The following FBXO40 variants were observed in gnomAD, a reference collection of about 807,000 sequenced individuals.
FBXO40 encodes the protein F-box only protein 40.
FBXO40 carries 50 observed loss-of-function variants against 49.9 expected under a neutral mutation model. That is an observed-to-expected ratio of 1.00 (90% confidence interval 0.80 to 1.27). The LOEUF (loss-of-function observed/expected upper bound fraction) is 1.27. Ranked by LOEUF, FBXO40 falls within the 50% of genes most tolerant of loss-of-function variation. FBXO40 has a pLI of 0.00. For missense variants in FBXO40, 895 were observed against 870.1 expected (o/e 1.03, Z -0.36); for synonymous variants, 340 against 320.2 (o/e 1.06, Z -0.66).
In FBXO40 at chr3:121,621,434, G is replaced by A. The variant is rs1301988082; in HGVS notation, c.5G>A (p.Gly2Glu). 8 of 1,611,232 alleles carry A rather than the reference G, an allele frequency of 5.0e-6. No individual in the cohort carries two copies. In the East Asian group the frequency reaches 1.1e-4, roughly 22 times the overall value. M[G>E]KARRSPPGHH... Reference sequence around the variant, plus strand: ...TCCCCCTGTCCTTGGTGTGTCCAGGGGAAAGCCCGCAGATCCCCGCCAGGG... The same window carrying A: ...TCCCCCTGTCCTTGGTGTGTCCAGGAGAAAGCCCGCAGATCCCCGCCAGGG... The change falls in exon 3 of 4, where the codon GGG becomes GAG. Residue 2 changes from glycine (G) to glutamate (E), a missense_variant and splice_region_variant. By Grantham distance (98) the Gly-to-Glu change is moderately conservative. Coordinates refer to ENST00000338040, the MANE Select transcript of FBXO40 (RefSeq NM_016298.4).
chr3:121,625,664 GT>G (rs2049058261), intron 3 of FBXO40, among the ~76,000 whole-genome samples: 1 of 152,162 alleles, frequency 6.6e-6, no homozygotes, highest in South Asian at 2.1e-4. Context: ...TTTGGCTCAA[GT>G]TTTTCCCCAA....
intron 1 of FBXO40, among the ~76,000 whole-genome samples, chr3:121,594,838 T>C (rs1363523911): frequency 6.6e-6 from 1 of 152,172 alleles, no homozygotes; most frequent in African/African-American, 2.4e-5. Context: ...CTTGAACAAT[T>C]TTGCATATTC....
intron 1 of FBXO40, among the ~76,000 whole-genome samples, chr3:121,598,970 C>T (rs2048886732): frequency 6.6e-6 from 1 of 152,202 alleles, no homozygotes; most frequent in African/African-American, 2.4e-5. Context: ...GCCTATGTTT[C>T]ATTTAAACTA....
chr3:121,619,709 C>T (rs2049018837), intron 1 of FBXO40, among the ~76,000 whole-genome samples: 1 of 152,178 alleles, frequency 6.6e-6, no homozygotes, highest in African/African-American at 2.4e-5. Context: ...TTATTATCCT[C>T]TCTCTACTGA....
At chr3:121,614,269 CAAAAAAAAA>C (rs35824526) in intron 1 of FBXO40, among the ~76,000 whole-genome samples, 1 of 77,644 alleles carries the variant, frequency 1.3e-5, no homozygotes, top group African/African-American at 5.5e-5. Flanking sequence ...GACTCTAGCT[CAAAAAAAAA>C]AAAAAAAAAA....
At chr3:121,602,942 A>G (rs1294685002) in intron 1 of FBXO40, among the ~76,000 whole-genome samples, 1 of 152,170 alleles carries the variant, frequency 6.6e-6, no homozygotes, top group Non-Finnish European at 1.5e-5. Flanking sequence ...TCAGGCTTCT[A>G]TAACAAAAGA....
Position 121,622,160 on chromosome 3 carries a change from A to T in FBXO40, c.731A>T (p.Asn244Ile). 1 of 1,614,166 alleles carries T rather than the reference A, an allele frequency of 6.2e-7. No individual in the cohort carries two copies. Among genetic ancestry groups the T allele is most frequent in the South Asian group, 1.1e-5 (1 of 91,070 alleles). ...SSASCESKNKNDSEKEQISSG... is the reference protein window; with the variant it reads ...SSASCESKNKIDSEKEQISSG... The stretch of plus-strand genomic sequence containing the variant: ...GCGAGCTGTGAGAGCAAGAACAAGA[A>T]TGACTCCGAGAAAGAACAGATTTCC... Residue 244 changes from asparagine to isoleucine, a missense_variant, in exon 3 of 4, where the codon AAT becomes ATT. Physicochemically the swap from Asn to Ile is moderately radical, Grantham distance 149. Coordinates refer to ENST00000338040, the MANE Select transcript of FBXO40 (RefSeq NM_016298.4).
rs143763862 is a variant in FBXO40 at position 121,621,696 on chromosome 3, C to T, written c.267C>T (p.Pro89=). The T allele has an allele frequency of 1.1e-4, 184 of 1,614,218 alleles. No individual in the cohort carries two copies. The highest frequency in any genetic ancestry group is 1.0e-3 in the African/African-American group (77 of 75,056). The change falls in exon 3 of 4, where the codon CCC becomes CCT. Residue 89 remains proline (P), a synonymous_variant. Transcript: ENST00000338040. ...HKLAKHLQVC[P]ASVVCCSMEW... ...TGGCCAAGCACCTGCAGGTGTGCCCCGCCAGCGTGGTCTGCTGCTCCATGG... is the reference window on the plus strand; with the variant it reads ...TGGCCAAGCACCTGCAGGTGTGCCCTGCCAGCGTGGTCTGCTGCTCCATGG...
At chr3:121,596,600 G>A (rs115393615) in intron 1 of FBXO40, among the ~76,000 whole-genome samples, 193 of 152,282 alleles carry the variant, frequency 1.3e-3, no homozygotes, top group African/African-American at 3.5e-3. Context: ...CTTAATATCT[G>A]CCTGATCCAG....
At chr3:121,625,888 G>A (rs1313983705) in intron 3 of FBXO40, among the ~76,000 whole-genome samples, 1 of 152,230 alleles carries the variant, frequency 6.6e-6, no homozygotes, top group Non-Finnish European at 1.5e-5. Context: ...CAGGTTGAAA[G>A]AGTATTAGGC....
chr3:121,606,464 G>T (rs1312969551), intron 1 of FBXO40, among the ~76,000 whole-genome samples: 1 of 152,198 alleles, frequency 6.6e-6, no homozygotes, highest in Non-Finnish European at 1.5e-5. Context: ...GGTCACTAGA[G>T]ACCCTTCCAT....
In FBXO40 at chr3:121,622,700, T is replaced by C. The variant is rs374623698; in HGVS notation, c.1271T>C (p.Met424Thr). The part of the protein sequence containing the change: ...SESRSIDGLF[M>T]DFATQTYNFE... The stretch of plus-strand genomic sequence containing the variant: ...TCCAGAAGCATTGATGGACTGTTCA[T>C]GGATTTTGCCACACAAACATACAAC... The change falls in exon 3 of 4, where the codon ATG becomes ACG. Residue 424 changes from methionine to threonine, a missense_variant. Physicochemically the swap from Met to Thr is moderately conservative, Grantham distance 81. Coordinates refer to ENST00000338040, the MANE Select transcript of FBXO40 (RefSeq NM_016298.4). 2 of 1,614,076 alleles carry C rather than the reference T, an allele frequency of 1.2e-6. No individual in the cohort carries two copies. The highest frequency in any genetic ancestry group is 1.3e-5 in the African/African-American group (1 of 74,938).
intron 1 of FBXO40, among the ~76,000 whole-genome samples, chr3:121,596,753 G>A (rs1238194939): frequency 6.6e-6 from 1 of 151,724 alleles, no homozygotes; most frequent in African/African-American, 2.4e-5. Context: ...AACCTAAGTT[G>A]AAATGATTTC....
chr3:121,597,961 C>T (rs970337429), intron 1 of FBXO40, among the ~76,000 whole-genome samples: 2 of 152,122 alleles, frequency 1.3e-5, no homozygotes. Context: ...CCGTGCCCTG[C>T]TTATAAGTCC....
At position 121,623,294 on chromosome 3, in the gene FBXO40, A is replaced by T; in HGVS notation, c.1865A>T (p.Lys622Met). 1 of 1,614,250 alleles carries T rather than the reference A, an allele frequency of 6.2e-7. No homozygotes were observed. Among genetic ancestry groups the T allele is most frequent in the Non-Finnish European group, 8.5e-7 (1 of 1,180,044 alleles). The part of the protein sequence containing the change: ...QERGMVLLQW[K>M]KKRYSHGGTS... Reference sequence around the variant, plus strand: ...AGAGGAATGGTCCTTTTGCAATGGAAGAAAAAGAGGTATTCCCATGGAGGC... The same window carrying T: ...AGAGGAATGGTCCTTTTGCAATGGATGAAAAAGAGGTATTCCCATGGAGGC... Residue 622 changes from lysine to methionine, a missense_variant, in exon 3 of 4, where the codon AAG becomes ATG. Lys to Met is a moderately conservative substitution (Grantham distance 95). Coordinates refer to ENST00000338040, the MANE Select transcript of FBXO40 (RefSeq NM_016298.4).
chr3:121,627,123 T>C lies in FBXO40; in HGVS notation c.*213T>C. ...ACCATAGTGCCACATTGATGACTTGTTTCCTTTTTTCTTTTCTTTTCTTTT... is the reference window on the plus strand; with the variant it reads ...ACCATAGTGCCACATTGATGACTTGCTTCCTTTTTTCTTTTCTTTTCTTTT... On this transcript the variant is annotated 3_prime_UTR_variant, in exon 4 of 4. Coordinates refer to ENST00000338040, the MANE Select transcript of FBXO40 (RefSeq NM_016298.4). 1 of 552,202 alleles carries C rather than the reference T, an allele frequency of 1.8e-6. No individual in the cohort carries two copies. Among genetic ancestry groups the C allele is most frequent in the South Asian group, 2.5e-5 (1 of 40,648 alleles). 34.2% of individuals were successfully genotyped at this position (552,202 alleles called of 1,614,324 possible).
At chr3:121,608,245 C>G (rs6808727) in intron 1 of FBXO40, among the ~76,000 whole-genome samples, 12 of 152,306 alleles carry the variant, frequency 7.9e-5, no homozygotes, top group African/African-American at 2.4e-4. Context: ...TCAAAATATC[C>G]GAGTGATGTT....
intron 1 of FBXO40, among the ~76,000 whole-genome samples, chr3:121,594,430 G>A (rs554520884): frequency 1.2e-3 from 184 of 152,142 alleles, no homozygotes; most frequent in Middle Eastern, 6.8e-3. Context: ...TGAACTCCTG[G>A]CCTCAAGTGA....
At chr3:121,593,693 T>C (rs2048855352) in intron 1 of FBXO40, among the ~76,000 whole-genome samples, 191 bp downstream of exon 1, 1 of 152,210 alleles carries the variant, frequency 6.6e-6, no homozygotes, top group East Asian at 1.9e-4. Flanking sequence ...TCTGTTTCCA[T>C]TTCAAGAGCA....
Sources: gnomAD v4.1 joint callset for allele counts (sites outside exome capture counted in the v4.1 genomes callset) on GRCh38, gnomAD v4.1.1 for gene constraint, MANE v1.5 for transcripts, NCBI Gene and HGNC (gene_info 2026-07-23, HGNC 2026-07-21) for gene names.